The following NOL4L variants were observed in gnomAD, a reference collection of about 807,000 sequenced individuals.
NOL4L encodes nucleolar protein 4-like.
Under a neutral mutation model 64.5 loss-of-function variants are expected in NOL4L, and 7 were observed. The observed-to-expected ratio is 0.11, with a 90% CI of 0.06 to 0.20. The LOEUF (loss-of-function observed/expected upper bound fraction) is 0.20, where lower values mean the gene tolerates loss of function less well. Ranked by LOEUF, NOL4L falls within the 10% of genes least tolerant of loss-of-function variation. The probability of loss-of-function intolerance (pLI) is 1.00; values close to 1 mark genes in which losing one functional copy is unlikely to be tolerated. For synonymous variants in NOL4L, 413 were observed against 401.0 expected (o/e 1.03, Z -0.36); for missense variants, 680 against 967.1 (o/e 0.70, Z 3.94).
chr20:32,506,696 C>T (rs1820045095), intron 4 of NOL4L, among the ~76,000 whole-genome samples: 4 of 152,182 alleles, frequency 2.6e-5, no homozygotes, highest in Admixed American at 2.6e-4. Context: ...TGCCTCTGAA[C>T]TTCCTGGCAC....
In NOL4L at chr20:32,446,022, G is replaced by C. The variant is rs943421865; in HGVS notation, c.*1574C>G. 1 of 152,320 alleles carries C rather than the reference G, an allele frequency of 6.6e-6. No individual in the cohort carries two copies. Among genetic ancestry groups the C allele is most frequent in the South Asian group, 2.1e-4 (1 of 4,820 alleles). 9.4% of individuals were successfully genotyped at this position (152,320 alleles called of 1,614,324 possible). ...TCCGTGGCCATCCTAGGATCCACTCGGCCCTGGCTCCCCTGGGGCCTCTCT... is the reference window on the plus strand; with the variant it reads ...TCCGTGGCCATCCTAGGATCCACTCCGCCCTGGCTCCCCTGGGGCCTCTCT... On this transcript the variant is annotated 3_prime_UTR_variant, in exon 11 of 11. Coordinates refer to ENST00000621426, the MANE Select transcript of NOL4L (RefSeq NM_001256798.2).
intron 1 of NOL4L, among the ~76,000 whole-genome samples, chr20:32,568,125 G>A (rs556211551): frequency 8.6e-5 from 13 of 150,504 alleles, no homozygotes; most frequent in African/African-American, 2.7e-4. Context: ...TCATCATGAC[G>A]GCCATCACCA....
At chr20:32,473,754 G>C (rs943905401) in intron 5 of NOL4L, among the ~76,000 whole-genome samples, 1 of 152,050 alleles carries the variant, frequency 6.6e-6, no homozygotes, top group Non-Finnish European at 1.5e-5. Flanking sequence ...TCCAGGCCTC[G>C]ACCTTCAACC....
intron 5 of NOL4L, among the ~76,000 whole-genome samples, chr20:32,474,395 TG>T (rs1260807589): frequency 6.6e-5 from 10 of 152,222 alleles, no homozygotes; most frequent in Admixed American, 5.9e-4. Context: ...CCCTCATCTT[TG>T]GGAGGAAGGA....
At chr20:32,518,514 GC>G (rs2017776741) in intron 3 of NOL4L, among the ~76,000 whole-genome samples, 1 of 152,246 alleles carries the variant, frequency 6.6e-6, no homozygotes. Context: ...TGCGGAGGGA[GC>G]TGAGGAATGC....
chr20:32,584,903 C>G lies in NOL4L; in HGVS notation c.-13G>C. ...TCGGCTTCGGCATCCTCCCGCCGCG[C>G]CCGGCGCCCTCGGGGGCGGGCCGGC... On this transcript the variant is annotated 5_prime_UTR_variant, in exon 1 of 11. Coordinates refer to ENST00000621426, the MANE Select transcript of NOL4L (RefSeq NM_001256798.2). 1 of 1,222,894 alleles carries G rather than the reference C, an allele frequency of 8.2e-7. No homozygotes were observed. The highest frequency in any genetic ancestry group is 1.0e-6 in the Non-Finnish European group (1 of 983,654). 75.8% of individuals were successfully genotyped at this position (1,222,894 alleles called of 1,614,324 possible). A position where few individuals can be genotyped will look rare whatever the true frequency, so the allele number is the denominator to read the frequency against.
intron 1 of NOL4L, among the ~76,000 whole-genome samples, chr20:32,552,488 A>G (rs1028490381): frequency 1.3e-5 from 2 of 152,056 alleles, no homozygotes; most frequent in Admixed American, 1.3e-4. Context: ...GGGGTTCAAG[A>G]CCAGCCTAGC....
chr20:32,530,264 G>T (rs905135419), intron 1 of NOL4L, among the ~76,000 whole-genome samples: 2 of 152,218 alleles, frequency 1.3e-5, no homozygotes, highest in Non-Finnish European at 1.5e-5. Flanking sequence ...GGTTTTGGCT[G>T]GGCGCGGTGG....
At chr20:32,492,546 G>A (rs187231076) in intron 4 of NOL4L, among the ~76,000 whole-genome samples, 13 of 152,242 alleles carry the variant, frequency 8.5e-5, no homozygotes, top group African/African-American at 2.6e-4. Context: ...TGAGTGATGC[G>A]TGCTCTTTTC....
At chr20:32,557,521 A>AG (rs1477973363) in intron 1 of NOL4L, among the ~76,000 whole-genome samples, 9 of 152,316 alleles carry the variant, frequency 5.9e-5, no homozygotes, top group Admixed American at 5.2e-4. Flanking sequence ...AGGATGGCGG[A>AG]GGGCTCTACC....
At chr20:32,488,803 C>CT (rs11470574) in intron 4 of NOL4L, among the ~76,000 whole-genome samples, 2 of 58,130 alleles carry the variant, frequency 3.4e-5, no homozygotes, top group Admixed American at 3.6e-4. Flanking sequence ...TTCTTTCTTT[C>CT]TTTTTCTTTC....
intron 1 of NOL4L, among the ~76,000 whole-genome samples, chr20:32,560,829 C>T (rs1978962845): frequency 6.6e-6 from 1 of 152,244 alleles, no homozygotes. Context: ...ACAGCTCTGT[C>T]CCACCTGCAC....
chr20:32,560,408 T>C (rs1280851499), intron 1 of NOL4L, among the ~76,000 whole-genome samples: 1 of 152,216 alleles, frequency 6.6e-6, no homozygotes, highest in Non-Finnish European at 1.5e-5. Context: ...TCTAAGGTCA[T>C]ACGGTTCAAA....
intron 4 of NOL4L, among the ~76,000 whole-genome samples, chr20:32,501,139 G>A (rs1025225085): frequency 6.6e-6 from 1 of 152,152 alleles, no homozygotes; most frequent in South Asian, 2.1e-4. Context: ...TCTCAACCAG[G>A]TGTGATCAAG....
intron 1 of NOL4L, chr20:32,548,901 G>A (rs2018764951): frequency 4.9e-6 from 2 of 411,454 alleles, no homozygotes; most frequent in Non-Finnish European, 9.6e-6. Flanking sequence ...AAAAAAGAAG[G>A]AGAAAGTTCT....
intron 1 of NOL4L, among the ~76,000 whole-genome samples, chr20:32,576,431 G>A (rs1003415827): frequency 1.3e-5 from 2 of 152,206 alleles, no homozygotes; most frequent in South Asian, 4.1e-4. Context: ...TGACTCTCAG[G>A]TGTGGCCGAG....
intron 5 of NOL4L, among the ~76,000 whole-genome samples, chr20:32,469,909 G>T (rs1001309166): frequency 6.6e-6 from 1 of 152,224 alleles, no homozygotes; most frequent in Non-Finnish European, 1.5e-5. Flanking sequence ...CAAGAACCTG[G>T]AAGAGCCAAA....
At chr20:32,527,169 G>A (rs959256918) in intron 2 of NOL4L, among the ~76,000 whole-genome samples, 7 of 152,144 alleles carry the variant, frequency 4.6e-5, no homozygotes, top group Non-Finnish European at 8.8e-5. Context: ...CTCTCAAAGC[G>A]AGCCTTGGAG....
chr20:32,482,217 A>G (rs369782693), intron 4 of NOL4L, among the ~76,000 whole-genome samples: 38 of 149,946 alleles, frequency 2.5e-4, no homozygotes, highest in Middle Eastern at 6.9e-3. Context: ...CATTGATCTG[A>G]GCCTCTTCAC....
Sources: allele counts gnomAD v4.1 joint callset (sites outside exome capture counted in the v4.1 genomes callset), GRCh38; gene constraint gnomAD v4.1.1; transcripts MANE v1.5; gene names NCBI Gene and HGNC (gene_info 2026-07-23, HGNC 2026-07-21).